The following RBM26 variants were observed in gnomAD, a reference collection of about 807,000 sequenced individuals.
RBM26 encodes RNA binding motif protein 26, also known as RNA-binding protein 26.
RBM26 carries 30 observed loss-of-function variants against 123.6 expected under a neutral mutation model. The observed-to-expected ratio is 0.24, with a 90% CI of 0.18 to 0.33. RBM26 has a LOEUF of 0.33. Among genes scored for constraint, RBM26 ranks in the 10% least tolerant of loss-of-function variants. The pLI is 1.00. For synonymous variants in RBM26, 400 were observed against 404.4 expected (o/e 0.99, Z 0.13); for missense variants, 947 against 1,203.6 (o/e 0.79, Z 3.15).
Position 79,366,724 on chromosome 13 carries a change from TG to T in RBM26, c.1043del (p.Pro348HisfsTer11). 1.3e-6 allele frequency: 2 copies of T among 1,534,856 alleles called. No homozygotes were observed. Among genetic ancestry groups the T allele is most frequent in the Non-Finnish European group, 1.8e-6 (2 of 1,136,764 alleles). On this transcript the variant is annotated frameshift_variant, in exon 7 of 22. Coordinates refer to ENST00000438737, the MANE Select transcript of RBM26 (RefSeq NM_001366735.2). LOFTEE classifies it high-confidence loss of function. The stretch of plus-strand genomic sequence containing the variant: ...GTGGGGGTGTAAGAATTGGTGGAGG[TG>T]GGGGGAGTCCAGGAGGAGGTGGTCC... ...VEGPPPPGLP[P>X]PPPILTPPPV...
intron 9 of RBM26, among the ~76,000 whole-genome samples, chr13:79,361,523 C>A (rs1162169108): frequency 6.6e-6 from 1 of 152,154 alleles, no homozygotes; most frequent in Non-Finnish European, 1.5e-5. Flanking sequence ...GCTCCCATTA[C>A]TTCACTTTAC....
At chr13:79,374,531 A>G (rs2140163686) in intron 3 of RBM26, among the ~76,000 whole-genome samples, 1 of 152,242 alleles carries the variant, frequency 6.6e-6, no homozygotes, top group East Asian at 1.9e-4. Context: ...TGAGAAATCA[A>G]ATGGAAATCC....
chr13:79,365,803 A>C lies in RBM26; in HGVS notation c.1277-85T>G, dbSNP rs2075201970. 3 of 1,217,376 alleles carry C rather than the reference A, an allele frequency of 2.5e-6. No homozygotes were observed. In the South Asian group the frequency reaches 4.1e-5, roughly 17 times the overall value. 75.4% of individuals were successfully genotyped at this position (1,217,376 alleles called of 1,614,324 possible). A position where few individuals can be genotyped will look rare whatever the true frequency, so the allele number is the denominator to read the frequency against. ...AATATTGATAAGAGAAAAAGTAAACAATATAACATATTAACATATAACATG... is the reference window on the plus strand; with the variant it reads ...AATATTGATAAGAGAAAAAGTAAACCATATAACATATTAACATATAACATG... On this transcript the variant is annotated intron_variant, in intron 8 of 21. Transcript: ENST00000438737.
intron 14 of RBM26, among the ~76,000 whole-genome samples, chr13:79,352,334 AAAT>A (rs1353196454): frequency 6.6e-6 from 1 of 152,184 alleles, no homozygotes; most frequent in African/African-American, 2.4e-5. Context: ...TATACAGATG[AAAT>A]CATAACACTG....
chr13:79,365,915 CTTAT>C lies in RBM26; in HGVS notation c.1276+136_1276+139del, dbSNP rs1307221119. 92 of 956,558 alleles carry C rather than the reference CTTAT, an allele frequency of 9.6e-5. No homozygotes were observed. The East Asian group carries it at 1.4e-3, about 15-fold the overall frequency. The allele number at this position is 956,558 out of a possible 1,614,324, so 59.3% of individuals were successfully genotyped here. The stretch of plus-strand genomic sequence containing the variant: ...TTTTGAAAACATTCAAAACTGAGGG[CTTAT>C]TTAATGTTCATTCACCACGGCTACA... On this transcript the variant is annotated intron_variant, in intron 8 of 21. Coordinates refer to ENST00000438737, the MANE Select transcript of RBM26 (RefSeq NM_001366735.2).
chr13:79,328,242 C>T (rs2068734325), intron 20 of RBM26, among the ~76,000 whole-genome samples: 1 of 152,006 alleles, frequency 6.6e-6, no homozygotes, highest in African/African-American at 2.4e-5. Flanking sequence ...TGACAAACTA[C>T]TGAGTTTAGA....
intron 9 of RBM26, among the ~76,000 whole-genome samples, chr13:79,363,034 C>T (rs1282081664): frequency 6.6e-6 from 1 of 152,068 alleles, no homozygotes; most frequent in African/African-American, 2.4e-5. Context: ...TTAACCCTTC[C>T]TCCTCCCTAT....
At chr13:79,361,213 A>G (rs984911075) in intron 9 of RBM26, among the ~76,000 whole-genome samples, 13 of 152,098 alleles carry the variant, frequency 8.5e-5, no homozygotes, top group Non-Finnish European at 1.8e-4. Flanking sequence ...CAGTCAAGTC[A>G]TATTTGATAT....
chr13:79,342,365 T>A (rs1247016853), intron 17 of RBM26, among the ~76,000 whole-genome samples: 1 of 151,862 alleles, frequency 6.6e-6, no homozygotes, highest in Non-Finnish European at 1.5e-5. Context: ...TATCACCAAC[T>A]ACTATTATAT....
At chr13:79,345,548 T>A (rs1242750957) in intron 14 of RBM26, among the ~76,000 whole-genome samples, 1 of 152,096 alleles carries the variant, frequency 6.6e-6, no homozygotes, top group African/African-American at 2.4e-5. Flanking sequence ...CTTCTGCGCA[T>A]CTTCCAGTAC....
rs780630370 is a variant in RBM26, at chr13:79,319,309, C to A, written c.*1312G>T. 6.1e-6 allele frequency: 6 copies of A among 982,260 alleles called. No individual in the cohort carries two copies. Among genetic ancestry groups the A allele is most frequent in the Non-Finnish European group, 6.0e-6 (5 of 827,466 alleles). The allele number at this position is 982,260 out of a possible 1,614,324, so 60.8% of individuals were successfully genotyped here. ...ACTATAATCTCAAGAGAGGCAGAAACACTTGCAATCAAAATGATGAATTTG... is the reference window on the plus strand; with the variant it reads ...ACTATAATCTCAAGAGAGGCAGAAAAACTTGCAATCAAAATGATGAATTTG... On this transcript the variant is annotated 3_prime_UTR_variant, in exon 22 of 22. Coordinates refer to ENST00000438737, the MANE Select transcript of RBM26 (RefSeq NM_001366735.2).
intron 18 of RBM26, among the ~76,000 whole-genome samples, chr13:79,337,745 T>C (rs1213428705): frequency 3.3e-5 from 5 of 152,224 alleles, no homozygotes; most frequent in African/African-American, 1.2e-4. Context: ...CTCAAATCAT[T>C]TTAATTACTT....
intron 11 of RBM26, among the ~76,000 whole-genome samples, chr13:79,355,914 C>A (rs377712530): frequency 2.6e-5 from 4 of 152,046 alleles, no homozygotes; most frequent in African/African-American, 7.2e-5. Flanking sequence ...ATGAGAAAAC[C>A]GAGATTTCAA....
chr13:79,392,123 TTA>T (rs199821895), intron 1 of RBM26, among the ~76,000 whole-genome samples: 1,420 of 56,758 alleles, frequency 0.025, 55 homozygotes, highest in African/African-American at 0.065. Flanking sequence ...AATTATATAA[TTA>T]TATATTATAC....
At chr13:79,342,269 C>T (rs560887128) in intron 17 of RBM26, among the ~76,000 whole-genome samples, 12 of 151,892 alleles carry the variant, frequency 7.9e-5, no homozygotes, top group South Asian at 4.1e-4. Flanking sequence ...TCTACCTGAT[C>T]AACCTGAATT....
intron 14 of RBM26, among the ~76,000 whole-genome samples, chr13:79,345,923 T>C (rs929423199): frequency 4.6e-5 from 7 of 152,164 alleles, no homozygotes; most frequent in African/African-American, 1.4e-4. Context: ...GGGTGACTGG[T>C]TACTGGTTCT....
chr13:79,372,242 G>GCA (rs1213762824), intron 3 of RBM26, among the ~76,000 whole-genome samples: 1 of 152,090 alleles, frequency 6.6e-6, no homozygotes, highest in African/African-American at 2.4e-5. Context: ...TCGCGCCAGT[G>GCA]CACACTCCAG....
At chr13:79,371,821 A>G in intron 4 of RBM26, 21 bp downstream of exon 4, 2 of 1,480,460 alleles carry the variant, frequency 1.4e-6, no homozygotes, top group East Asian at 2.3e-5. Flanking sequence ...AACACTGAGT[A>G]TGGTTCAATG....
chr13:79,324,347 T>C (rs2068072310), intron 20 of RBM26, among the ~76,000 whole-genome samples: 1 of 151,882 alleles, frequency 6.6e-6, no homozygotes, highest in African/African-American at 2.4e-5. Flanking sequence ...TTTTCTTGAA[T>C]GGCCATATAT....
Sources: allele counts gnomAD v4.1 joint callset (sites outside exome capture counted in the v4.1 genomes callset), GRCh38; gene constraint gnomAD v4.1.1; transcripts MANE v1.5; gene names NCBI Gene and HGNC (gene_info 2026-07-23, HGNC 2026-07-21).